Variants in GABRB1 observed in about 807,000 individuals in gnomAD.
GABRB1 encodes gamma-aminobutyric acid receptor subunit beta-1.
A neutral mutation model predicts 51.6 loss-of-function variants in GABRB1; 17 were observed. The observed-to-expected ratio is 0.33, with a 90% CI of 0.23 to 0.49. The LOEUF (loss-of-function observed/expected upper bound fraction) is 0.49. Among genes scored for constraint, GABRB1 ranks in the 20% least tolerant of loss-of-function variants. The pLI is 0.99. For missense variants in GABRB1, 410 were observed against 600.6 expected, an observed-to-expected ratio of 0.68 and a Z score of 3.32; for synonymous variants, 247 against 218.9, an observed-to-expected ratio of 1.13 and a Z score of -1.14.
At chr4:47,370,609 A>G (rs1727154459) in intron 5 of GABRB1, among the ~76,000 whole-genome samples, 1 of 151,992 alleles carries the variant, frequency 6.6e-6, no homozygotes, top group South Asian at 2.1e-4. Flanking sequence ...ACTTTACAAT[A>G]CTTCTGGCCT....
upstream of GABRB1, among the ~76,000 whole-genome samples, chr4:47,028,040 C>T (rs1229518086): frequency 6.6e-6 from 1 of 151,622 alleles, no homozygotes; most frequent in African/African-American, 2.4e-5. Flanking sequence ...AAGGTTAAAC[C>T]ATTTTAAACT....
At chr4:47,042,953 C>T (rs1362990165) in intron 3 of GABRB1, 1 of 152,000 alleles carries the variant, frequency 6.6e-6, no homozygotes, top group African/African-American at 2.4e-5. Context: ...TCCACATTCT[C>T]ACAGTAATTT....
intron 3 of GABRB1, among the ~76,000 whole-genome samples, chr4:47,067,674 G>T (rs557813355): frequency 2.6e-5 from 4 of 151,492 alleles, no homozygotes; most frequent in Non-Finnish European, 4.4e-5. Context: ...TCGCTCTGTC[G>T]CCCAGGCTGG....
intron 8 of GABRB1, among the ~76,000 whole-genome samples, chr4:47,424,215 T>C (rs1394713398): frequency 6.6e-6 from 1 of 152,212 alleles, no homozygotes; most frequent in African/African-American, 2.4e-5. Context: ...GATGTGGTCC[T>C]CCAAGTAGAA....
At chr4:47,056,652 C>T (rs563383524) in intron 3 of GABRB1, among the ~76,000 whole-genome samples, 1 of 152,152 alleles carries the variant, frequency 6.6e-6, no homozygotes, top group African/African-American at 2.4e-5. Context: ...GGGAACGTTG[C>T]TGGTCAAAAA....
At chr4:47,315,677 A>G (rs905797941) in intron 4 of GABRB1, among the ~76,000 whole-genome samples, 2 of 152,006 alleles carry the variant, frequency 1.3e-5, no homozygotes, top group Non-Finnish European at 2.9e-5. Context: ...TGATACATAT[A>G]CACCATGGAA....
intron 4 of GABRB1, among the ~76,000 whole-genome samples, chr4:47,262,938 C>G (rs975756185): frequency 6.7e-6 from 1 of 149,374 alleles, no homozygotes; most frequent in Non-Finnish European, 1.5e-5. Flanking sequence ...CAAACTATTG[C>G]AAGGACAAAA....
chr4:47,394,331 T>C (rs2110042040), intron 5 of GABRB1, among the ~76,000 whole-genome samples: 1 of 152,310 alleles, frequency 6.6e-6, no homozygotes, highest in Non-Finnish European at 1.5e-5. Context: ...ATAGTATTTC[T>C]CTCCACAGAG....
At chr4:47,196,618 C>G (rs1475797026) in intron 4 of GABRB1, among the ~76,000 whole-genome samples, 1 of 152,046 alleles carries the variant, frequency 6.6e-6, no homozygotes, top group African/African-American at 2.4e-5. Context: ...ACAGAAGTGC[C>G]CTGGGAAGAA....
At chr4:47,095,505 G>A (rs1235678572) in intron 3 of GABRB1, among the ~76,000 whole-genome samples, 2 of 152,224 alleles carry the variant, frequency 1.3e-5, no homozygotes, top group Non-Finnish European at 2.9e-5. Flanking sequence ...GACCAAGAGT[G>A]GCTGGAACAT....
chr4:47,284,192 C>A (rs1312016891), intron 4 of GABRB1, among the ~76,000 whole-genome samples: 1 of 151,812 alleles, frequency 6.6e-6, no homozygotes, highest in Non-Finnish European at 1.5e-5. Flanking sequence ...TTTTCTGTCC[C>A]TCGAGATTGA....
intron 5 of GABRB1, among the ~76,000 whole-genome samples, chr4:47,368,911 C>T (rs1480453697): frequency 1.3e-5 from 2 of 151,966 alleles, no homozygotes; most frequent in African/African-American, 2.4e-5. Context: ...AGTTTGAGAC[C>T]AGACTGGCCA....
At chr4:47,266,686 T>C (rs1294982261) in intron 4 of GABRB1, among the ~76,000 whole-genome samples, 1 of 152,190 alleles carries the variant, frequency 6.6e-6, no homozygotes, top group Admixed American at 6.5e-5. Flanking sequence ...AAACTTGTTT[T>C]GTGGCTTAAT....
chr4:47,195,397 TA>T (rs33943378), intron 4 of GABRB1, among the ~76,000 whole-genome samples: 95,940 of 127,856 alleles, frequency 0.75, 34,084 homozygotes, highest in Middle Eastern at 0.86. Context: ...AGATAGATGA[TA>T]GATAGATAGA....
chr4:47,090,111 T>C (rs146247283), intron 3 of GABRB1, among the ~76,000 whole-genome samples: 1 of 152,228 alleles, frequency 6.6e-6, no homozygotes, highest in Non-Finnish European at 1.5e-5. Context: ...ATAAAACAAC[T>C]ACTGTTATGA....
chr4:47,055,234 G>T (rs1437226938), intron 3 of GABRB1, among the ~76,000 whole-genome samples: 1 of 152,222 alleles, frequency 6.6e-6, no homozygotes, highest in Non-Finnish European at 1.5e-5. Flanking sequence ...CTAGATGCAT[G>T]TGTAGCATAG....
intron 4 of GABRB1, among the ~76,000 whole-genome samples, chr4:47,315,853 A>G (rs1724865316): frequency 6.6e-6 from 1 of 151,730 alleles, no homozygotes; most frequent in African/African-American, 2.4e-5. Flanking sequence ...ATATGGACAC[A>G]AAGAAGGAAA....
intron 3 of GABRB1, among the ~76,000 whole-genome samples, chr4:47,079,470 AT>A (rs946013422): frequency 1.6e-4 from 24 of 149,972 alleles, no homozygotes; most frequent in East Asian, 1.4e-3. Context: ...CCCCTTTATC[AT>A]TTTTTTTTGA....
At chr4:47,113,868 T>C (rs1338935380) in intron 3 of GABRB1, among the ~76,000 whole-genome samples, 1 of 152,256 alleles carries the variant, frequency 6.6e-6, no homozygotes, top group Non-Finnish European at 1.5e-5. Context: ...TCCCTGCAGT[T>C]CTGTTGTTAA....
Sources: gnomAD v4.1 joint callset for allele counts (sites outside exome capture counted in the v4.1 genomes callset) on GRCh38, gnomAD v4.1.1 for gene constraint, MANE v1.5 for transcripts, NCBI Gene and HGNC (gene_info 2026-07-23, HGNC 2026-07-21) for gene names.